The following SHANK2 variants were observed in gnomAD, a reference collection of about 807,000 sequenced individuals.
SHANK2 encodes SH3 and multiple ankyrin repeat domains protein 2.
Under a neutral mutation model 133.7 loss-of-function variants are expected in SHANK2, and 43 were observed. The ratio of observed to expected loss-of-function variants is 0.32; its 90% CI spans 0.25 to 0.41. The LOEUF (loss-of-function observed/expected upper bound fraction) is 0.41. Ranked by LOEUF, SHANK2 falls within the 10% of genes least tolerant of loss-of-function variation. The pLI, the probability that SHANK2 is intolerant of heterozygous loss-of-function variation, is 1.00. For missense variants in SHANK2, 1,994 were observed against 2,235.8 expected (o/e 0.89, Z 2.18); for synonymous variants, 1,017 against 952.8 (o/e 1.07, Z -1.24).
intron 14 of SHANK2, among the ~76,000 whole-genome samples, chr11:70,785,250 C>T (rs150282082): frequency 4.6e-5 from 7 of 152,214 alleles, no homozygotes; most frequent in East Asian, 1.9e-4. Context: ...CTCCTACCCT[C>T]GTCCACACAC....
rs894965046 is a variant in SHANK2 at position 71,089,850 on chromosome 11, G to A, written c.912+2572C>T. Among the ~76,000 whole-genome samples, 391 of 152,346 alleles carry A rather than the reference G, an allele frequency of 2.6e-3. 3 individuals carry two copies. The Middle Eastern group carries it at 0.048, about 19-fold the overall frequency. On this transcript the variant is annotated intron_variant, in intron 8 of 25. Coordinates refer to ENST00000601538, the MANE Select transcript of SHANK2 (RefSeq NM_012309.5). ...TGACACACAGCCGAGGGATGGCAGG[G>A]CCATCTGGGGCTGGAACCGTTGGTT... is the stretch of plus-strand genomic sequence containing the variant.
intron 11 of SHANK2, chr11:70,872,288 G>A (rs1555070350): frequency 6.5e-6 from 1 of 154,682 alleles, no homozygotes; most frequent in African/African-American, 2.4e-5. Flanking sequence ...TGAAGGTAGG[G>A]AACTCTGTCT....
At chr11:70,518,988 C>A (rs1554970530) in intron 17 of SHANK2, among the ~76,000 whole-genome samples, 1 of 152,230 alleles carries the variant, frequency 6.6e-6, no homozygotes, top group Non-Finnish European at 1.5e-5. Context: ...TAGCTCACTG[C>A]AGCCTTGACC....
At chr11:70,883,965 T>G (rs1949697382) in intron 11 of SHANK2, among the ~76,000 whole-genome samples, 1 of 152,182 alleles carries the variant, frequency 6.6e-6, no homozygotes, top group Non-Finnish European at 1.5e-5. Context: ...GAGGCCAACC[T>G]GCTGGGCCAG....
At chr11:70,725,958 C>T (rs1463080876) in intron 14 of SHANK2, among the ~76,000 whole-genome samples, 5 of 152,194 alleles carry the variant, frequency 3.3e-5, no homozygotes, top group East Asian at 1.9e-4. Flanking sequence ...AAAAACATGT[C>T]GAAGCAGCTG....
chr11:71,119,529 G>C (rs533119538), intron 3 of SHANK2, among the ~76,000 whole-genome samples: 4 of 147,690 alleles, frequency 2.7e-5, no homozygotes, highest in African/African-American at 1.0e-4. Flanking sequence ...GCACTGAGCC[G>C]AGATTGCACC....
At chr11:70,942,653 A>T (rs1208268878) in intron 10 of SHANK2, 1 of 456,962 alleles carries the variant, frequency 2.2e-6, no homozygotes, top group East Asian at 6.9e-5. Flanking sequence ...TAACAGATGA[A>T]CTTGAGGATT....
intron 9 of SHANK2, among the ~76,000 whole-genome samples, chr11:71,063,758 A>G (rs998454615): frequency 6.6e-6 from 1 of 152,350 alleles, no homozygotes; most frequent in East Asian, 1.9e-4. Flanking sequence ...AGCAATTGGA[A>G]TGCTTTTTGA....
chr11:70,629,254 C>A (rs895458612), intron 17 of SHANK2, among the ~76,000 whole-genome samples: 1 of 152,172 alleles, frequency 6.6e-6, no homozygotes, highest in Non-Finnish European at 1.5e-5. Flanking sequence ...CCTGCCCCAC[C>A]AACTAAAACA....
intron 13 of SHANK2, among the ~76,000 whole-genome samples, chr11:70,805,996 C>T (rs1948149950): frequency 6.6e-6 from 1 of 152,224 alleles, no homozygotes; most frequent in Admixed American, 6.5e-5. Flanking sequence ...CGGGGCTCTG[C>T]CATCATTAGA....
At chr11:70,642,425 C>T (rs1353148072) in intron 17 of SHANK2, among the ~76,000 whole-genome samples, 1 of 152,204 alleles carries the variant, frequency 6.6e-6, no homozygotes. Flanking sequence ...GGGGCCTCAG[C>T]AGGAAGTCTG....
intron 3 of SHANK2, among the ~76,000 whole-genome samples, chr11:71,135,262 C>T (rs1393272803): frequency 2.6e-5 from 4 of 152,164 alleles, no homozygotes; most frequent in Non-Finnish European, 4.4e-5. Context: ...AGCATTCACT[C>T]GGTTGTACCG....
intron 14 of SHANK2, among the ~76,000 whole-genome samples, chr11:70,722,853 G>A (rs970504115): frequency 6.6e-6 from 1 of 152,182 alleles, no homozygotes; most frequent in Non-Finnish European, 1.5e-5. Flanking sequence ...TATGAGAAGT[G>A]GCAGGAGAAT....
intron 17 of SHANK2, among the ~76,000 whole-genome samples, chr11:70,536,336 C>G (rs964469697): frequency 2.0e-5 from 3 of 152,188 alleles, no homozygotes; most frequent in Admixed American, 1.3e-4. Context: ...TGAGATGAGG[C>G]TTGGTCTAAA....
At chr11:70,531,345 G>T (rs2059467631) in intron 17 of SHANK2, among the ~76,000 whole-genome samples, 1 of 152,154 alleles carries the variant, frequency 6.6e-6, no homozygotes, top group Non-Finnish European at 1.5e-5. Context: ...TGGTGGTGGG[G>T]CCACTCTTTG....
At chr11:71,214,315 G>A (rs1555119330) in intron 2 of SHANK2, among the ~76,000 whole-genome samples, 3 of 152,184 alleles carry the variant, frequency 2.0e-5, no homozygotes, top group Non-Finnish European at 2.9e-5. Flanking sequence ...CAGCAAGGAA[G>A]ACAGTTTCCA....
chr11:71,079,499 G>A (rs1951263953), intron 8 of SHANK2, among the ~76,000 whole-genome samples: 1 of 152,176 alleles, frequency 6.6e-6, no homozygotes, highest in Non-Finnish European at 1.5e-5. Flanking sequence ...GGTGGCTCAT[G>A]CCTGTAATCC....
chr11:70,663,846 G>A (rs1330757839), intron 15 of SHANK2, among the ~76,000 whole-genome samples: 2 of 152,220 alleles, frequency 1.3e-5, no homozygotes, highest in Non-Finnish European at 2.9e-5. Context: ...TGGGAGCCTG[G>A]GGGTGAGGTC....
At chr11:71,099,740 T>C (rs1158283277) in intron 6 of SHANK2, among the ~76,000 whole-genome samples, 1 of 152,106 alleles carries the variant, frequency 6.6e-6, no homozygotes, top group Admixed American at 6.5e-5. Context: ...CGTATGTCAT[T>C]AGGGAACTGC....
Sources: gnomAD v4.1 joint callset for allele counts (sites outside exome capture counted in the v4.1 genomes callset) on GRCh38, gnomAD v4.1.1 for gene constraint, MANE v1.5 for transcripts, NCBI Gene and HGNC (gene_info 2026-07-23, HGNC 2026-07-21) for gene names.